ARHGAP24: variants seen among roughly 807,000 people sequenced by gnomAD.
ARHGAP24 encodes rho GTPase-activating protein 24.
ARHGAP24 carries 50 observed loss-of-function variants against 76.4 expected under a neutral mutation model. The ratio of observed to expected loss-of-function variants is 0.65; its 90% CI spans 0.52 to 0.83. The LOEUF is 0.83. Among genes scored for constraint, ARHGAP24 ranks in the 40% least tolerant of loss-of-function variants. ARHGAP24 has a pLI of 0.00. For synonymous variants in ARHGAP24, 345 were observed against 323.3 expected (o/e 1.07, Z -0.72); for missense variants, 930 against 914.2 (o/e 1.02, Z -0.22).
intron 1 of ARHGAP24, among the ~76,000 whole-genome samples, chr4:85,561,772 T>C (rs11728289): frequency 0.59 from 89,989 of 151,950 alleles, 27,823 homozygotes; most frequent in Non-Finnish European, 0.68. Flanking sequence ...ATGGCCACTC[T>C]CTGCTACCTC....
At chr4:85,733,975 C>T (rs6813860) in intron 3 of ARHGAP24, among the ~76,000 whole-genome samples, 3 of 152,052 alleles carry the variant, frequency 2.0e-5, no homozygotes, top group African/African-American at 7.2e-5. Flanking sequence ...AAAGGCTTCT[C>T]TATTTTAGGG....
At chr4:85,951,580 G>A (rs553986097) in intron 5 of ARHGAP24, among the ~76,000 whole-genome samples, 3 of 152,074 alleles carry the variant, frequency 2.0e-5, no homozygotes, top group Non-Finnish European at 2.9e-5. Context: ...CTATGGATCC[G>A]TTTGGGGTCC....
chr4:85,658,246 C>T (rs1722245498), intron 2 of ARHGAP24, among the ~76,000 whole-genome samples: 1 of 152,100 alleles, frequency 6.6e-6, no homozygotes, highest in African/African-American at 2.4e-5. Flanking sequence ...TGGGATCTGC[C>T]TTCCCACTTC....
At chr4:85,877,363 T>A (rs2665870) in intron 3 of ARHGAP24, among the ~76,000 whole-genome samples, 6 of 152,102 alleles carry the variant, frequency 3.9e-5, no homozygotes, top group Admixed American at 6.5e-5. Context: ...AGCAGCTCAC[T>A]CCTGTAATCA....
intron 2 of ARHGAP24, among the ~76,000 whole-genome samples, chr4:85,674,300 A>G (rs1460714393): frequency 6.6e-6 from 1 of 152,192 alleles, no homozygotes; most frequent in Non-Finnish European, 1.5e-5. Context: ...GTTAAAAGGG[A>G]AAAAAGTAGG....
chr4:85,624,840 G>C (rs1322332276), intron 2 of ARHGAP24, among the ~76,000 whole-genome samples: 1 of 152,202 alleles, frequency 6.6e-6, no homozygotes, highest in Admixed American at 6.5e-5. Context: ...ATTTCTTCTA[G>C]ATTTTCTAGT....
intron 3 of ARHGAP24, among the ~76,000 whole-genome samples, chr4:85,900,659 C>T (rs993209154): frequency 1.1e-4 from 16 of 152,276 alleles, no homozygotes; most frequent in Admixed American, 2.6e-4. Context: ...CTCCTGACCA[C>T]AGGTGATCCA....
intron 2 of ARHGAP24, among the ~76,000 whole-genome samples, chr4:85,597,860 A>G (rs1252256166): frequency 6.6e-6 from 1 of 152,136 alleles, no homozygotes; most frequent in Non-Finnish European, 1.5e-5. Flanking sequence ...AGAGTAAGTC[A>G]GATGTAACAG....
chr4:85,580,994 A>G (rs1441253620), intron 2 of ARHGAP24, among the ~76,000 whole-genome samples: 1 of 152,204 alleles, frequency 6.6e-6, no homozygotes, highest in Non-Finnish European at 1.5e-5. Flanking sequence ...ACTACAGCTT[A>G]TAAATCAAAT....
At chr4:85,701,954 C>T (rs1724105469) in intron 2 of ARHGAP24, among the ~76,000 whole-genome samples, 1 of 152,088 alleles carries the variant, frequency 6.6e-6, no homozygotes, top group African/African-American at 2.4e-5. Context: ...CCTGAGAGAA[C>T]AAAATAACCA....
intron 5 of ARHGAP24, among the ~76,000 whole-genome samples, chr4:85,945,296 C>T (rs992516980): frequency 2.6e-5 from 4 of 151,864 alleles, no homozygotes; most frequent in Admixed American, 6.6e-5. Context: ...GCATGTGCCA[C>T]CATGCCTGAC....
chr4:85,833,704 CTT>C (rs1325279839), intron 3 of ARHGAP24, among the ~76,000 whole-genome samples: 1 of 152,136 alleles, frequency 6.6e-6, no homozygotes, highest in Admixed American at 6.5e-5. Flanking sequence ...AGTTTTTAAA[CTT>C]TTAAAATTTA....
intron 1 of ARHGAP24, among the ~76,000 whole-genome samples, chr4:85,527,510 G>C (rs1306520485): frequency 1.3e-5 from 2 of 151,926 alleles, no homozygotes; most frequent in African/African-American, 4.8e-5. Context: ...TTTCAACCTA[G>C]GGAAGCTATT....
At chr4:85,683,091 C>G (rs1426657724) in intron 2 of ARHGAP24, among the ~76,000 whole-genome samples, 1 of 95,842 alleles carries the variant, frequency 1.0e-5, no homozygotes, top group Non-Finnish European at 1.9e-5. Context: ...TCCATCAACT[C>G]TTAACTCTCT....
intron 7 of ARHGAP24, 57 bp downstream of exon 7, chr4:85,975,018 T>A: frequency 6.8e-7 from 1 of 1,478,652 alleles, no homozygotes; most frequent in Non-Finnish European, 9.4e-7. Context: ...AGCCTGATAC[T>A]AATTTGTGTT....
intron 3 of ARHGAP24, among the ~76,000 whole-genome samples, chr4:85,907,403 A>T (rs907807974): frequency 6.6e-6 from 1 of 152,232 alleles, no homozygotes; most frequent in African/African-American, 2.4e-5. Flanking sequence ...ACAGGAAAAG[A>T]CGTATTATCT....
chr4:85,875,622 G>GTATATATAATATAAATATATATTTATAT (rs1732878072), intron 3 of ARHGAP24, among the ~76,000 whole-genome samples: 2 of 108,792 alleles, frequency 1.8e-5, no homozygotes, highest in East Asian at 2.4e-4. Context: ...TATATGTAAT[G>GTATATATAATATAAATATATATTTATAT]TATATATAAT....
At chr4:85,761,169 A>G (rs1269334231) in intron 3 of ARHGAP24, among the ~76,000 whole-genome samples, 3 of 152,198 alleles carry the variant, frequency 2.0e-5, no homozygotes, top group Admixed American at 6.5e-5. Flanking sequence ...AGTGCTTCAG[A>G]TCACAAACAC....
At chr4:85,532,110 A>T (rs1170857519) in intron 1 of ARHGAP24, among the ~76,000 whole-genome samples, 1 of 152,132 alleles carries the variant, frequency 6.6e-6, no homozygotes, top group Admixed American at 6.6e-5. Context: ...TATGAAGATA[A>T]TGGATGCTGC....
Sources: gnomAD v4.1 joint callset for allele counts (sites outside exome capture counted in the v4.1 genomes callset) on GRCh38, gnomAD v4.1.1 for gene constraint, MANE v1.5 for transcripts, NCBI Gene and HGNC (gene_info 2026-07-23, HGNC 2026-07-21) for gene names.